The following TBC1D22A variants were observed in gnomAD, a reference collection of about 807,000 sequenced individuals.
TBC1D22A encodes TBC1 domain family member 22A.
A neutral mutation model predicts 60.2 loss-of-function variants in TBC1D22A; 38 were observed. The observed-to-expected ratio is 0.63, with a 90% confidence interval of 0.49 to 0.83. The LOEUF (loss-of-function observed/expected upper bound fraction) is 0.83. Ranked by LOEUF, TBC1D22A falls within the 40% of genes least tolerant of loss-of-function variation. The probability of loss-of-function intolerance (pLI) is 0.00; values close to 1 mark genes in which losing one functional copy is unlikely to be tolerated. For missense variants in TBC1D22A, 628 were observed against 701.0 expected (o/e 0.90, Z 1.18); for synonymous variants, 302 against 281.7 (o/e 1.07, Z -0.72).
intron 12 of TBC1D22A, among the ~76,000 whole-genome samples, chr22:47,117,532 G>A (rs1418450930): frequency 1.6e-4 from 19 of 116,482 alleles, no homozygotes; most frequent in African/African-American, 6.3e-4. Flanking sequence ...ACCCCACACC[G>A]TGGCATCGAG....
chr22:46,934,996 T>C (rs545474040), intron 8 of TBC1D22A, among the ~76,000 whole-genome samples: 3 of 152,246 alleles, frequency 2.0e-5, no homozygotes, highest in African/African-American at 7.2e-5. Flanking sequence ...GTTTGGTGGT[T>C]TCAGTTAACT....
chr22:47,122,108 G>A (rs117364815), intron 12 of TBC1D22A, among the ~76,000 whole-genome samples: 1 of 152,338 alleles, frequency 6.6e-6, no homozygotes, highest in East Asian at 1.9e-4. Flanking sequence ...GACTTAGTTA[G>A]CAGATGCTTC....
At chr22:46,878,802 A>C (rs1464398034) in intron 5 of TBC1D22A, 79 bp downstream of exon 5, 1 of 1,352,032 alleles carries the variant, frequency 7.4e-7, no homozygotes, top group East Asian at 2.3e-5. Context: ...GTAGGGCCTG[A>C]CAGCCACAGC....
intron 4 of TBC1D22A, among the ~76,000 whole-genome samples, chr22:46,852,901 CTG>C (rs1394865370): frequency 1.3e-5 from 2 of 152,226 alleles, no homozygotes; most frequent in East Asian, 1.9e-4. Context: ...TCTCTGCCGA[CTG>C]AGGTCCGTTC....
chr22:46,793,763 G>A lies in TBC1D22A; in HGVS notation c.382G>A (p.Ala128Thr), dbSNP rs767188708. ...GCTTCAGCAGAAGCCCAGGCCCGAG[G>A]CAGAGCCGCCCTCACCCCCCAGCGG... Reference protein sequence around the residue: ...PGLQQKPRPEAEPPSPPSGDL... With the variant: ...PGLQQKPRPETEPPSPPSGDL... The change falls in exon 3 of 13, where the codon GCA becomes ACA. Residue 128 changes from alanine (A) to threonine (T), a missense_variant. Transcript: ENST00000337137. The A allele has an allele frequency of 2.5e-6, 4 of 1,604,740 alleles. No homozygotes were observed. The highest frequency in any genetic ancestry group is 3.4e-6 in the Non-Finnish European group (4 of 1,176,620).
intron 11 of TBC1D22A, among the ~76,000 whole-genome samples, chr22:47,104,231 A>C (rs2065533567): frequency 6.6e-6 from 1 of 152,112 alleles, no homozygotes. Context: ...GCTTGAATGC[A>C]GGAGGCAGGG....
intron 9 of TBC1D22A, among the ~76,000 whole-genome samples, chr22:46,986,652 G>A (rs1302359284): frequency 6.6e-6 from 1 of 152,140 alleles, no homozygotes; most frequent in Non-Finnish European, 1.5e-5. Context: ...AAATGGCATA[G>A]CTTTGTTGGT....
intron 1 of TBC1D22A, 151 bp from the exon 2 acceptor site, chr22:46,792,369 G>T: frequency 2.0e-6 from 2 of 984,540 alleles, no homozygotes; most frequent in South Asian, 2.9e-5. Flanking sequence ...TCAGGACCCC[G>T]GGTGGCTGCA....
intron 1 of TBC1D22A, among the ~76,000 whole-genome samples, chr22:46,766,783 G>A (rs908511495): frequency 1.3e-5 from 2 of 152,048 alleles, no homozygotes; most frequent in Non-Finnish European, 2.9e-5. Context: ...TGATCCGCCC[G>A]CCTTGGCCTC....
At chr22:47,148,761 TCTC>T (rs2147166948) in intron 12 of TBC1D22A, among the ~76,000 whole-genome samples, 1 of 151,744 alleles carries the variant, frequency 6.6e-6, no homozygotes. Context: ...TCTGGGTTCT[TCTC>T]CTGGGGTCCC....
rs11331060 is a variant in TBC1D22A at position 47,001,299 on chromosome 22, C to CT, written c.1201+3609dup. 1.9e-3 allele frequency among the ~76,000 whole-genome samples: 255 copies of CT among 133,886 alleles called. 1 individual carries two copies. The highest frequency in any genetic ancestry group is 4.0e-3 in the Admixed American group (54 of 13,344). The allele number at this position is 133,886 out of a possible 152,430, so 87.8% of individuals were successfully genotyped here. ...TGAAATTGTATTTTTTTCTTTCTTTCTTTTTTTTTTTTTTTTTTTAATAAC... is the reference window on the plus strand; with the variant it reads ...TGAAATTGTATTTTTTTCTTTCTTTCTTTTTTTTTTTTTTTTTTTTAATAAC... On this transcript the variant is annotated intron_variant, in intron 10 of 12. Transcript: ENST00000337137.
intron 10 of TBC1D22A, among the ~76,000 whole-genome samples, chr22:47,008,891 G>C (rs549599975): frequency 6.6e-6 from 1 of 152,286 alleles, no homozygotes; most frequent in African/African-American, 2.4e-5. Flanking sequence ...TGTTTTGGTG[G>C]CTGAGTGACA....
chr22:47,132,565 C>T (rs1313447615), intron 12 of TBC1D22A, among the ~76,000 whole-genome samples: 1 of 152,240 alleles, frequency 6.6e-6, no homozygotes, highest in Non-Finnish European at 1.5e-5. Context: ...TGCCTCCGAC[C>T]CCACAGGACA....
At chr22:46,940,713 TACAC>T (rs142864335) in intron 8 of TBC1D22A, among the ~76,000 whole-genome samples, 3 of 129,746 alleles carry the variant, frequency 2.3e-5, no homozygotes, top group Non-Finnish European at 3.3e-5. Flanking sequence ...TGTATGTATA[TACAC>T]ACACACACAG....
intron 9 of TBC1D22A, among the ~76,000 whole-genome samples, chr22:46,986,589 C>T (rs1014949142): frequency 6.6e-6 from 1 of 152,176 alleles, no homozygotes; most frequent in African/African-American, 2.4e-5. Flanking sequence ...GGGTTTTGCT[C>T]ATACTTTGTC....
At chr22:47,063,775 C>A (rs2063663672) in intron 11 of TBC1D22A, among the ~76,000 whole-genome samples, 1 of 152,122 alleles carries the variant, frequency 6.6e-6, no homozygotes, top group Admixed American at 6.5e-5. Flanking sequence ...CCCCATGCTT[C>A]CCCTTCCCGC....
chr22:46,969,371 C>T lies in TBC1D22A; in HGVS notation c.1016-4919C>T, dbSNP rs192351842. On this transcript the variant is annotated intron_variant, in intron 8 of 12. Coordinates refer to ENST00000337137, the MANE Select transcript of TBC1D22A (RefSeq NM_014346.5). ...GTGTGTGGCATCCCTGGATGATGCC[C>T]CTCTGTGTAGATTTCTGTAGATGCA... Among the ~76,000 whole-genome samples, 133 of 152,236 alleles carry T rather than the reference C, an allele frequency of 8.7e-4. 1 individual carries two copies. The highest frequency in any genetic ancestry group is 3.2e-3 in the African/African-American group (131 of 41,522).
intron 11 of TBC1D22A, among the ~76,000 whole-genome samples, chr22:47,082,668 C>T (rs1221627021): frequency 6.6e-6 from 1 of 152,134 alleles, no homozygotes. Context: ...CAAATTAAAA[C>T]CACAAACAAG....
chr22:47,133,483 G>T (rs1454069931), intron 12 of TBC1D22A, among the ~76,000 whole-genome samples: 1 of 152,154 alleles, frequency 6.6e-6, no homozygotes, highest in Non-Finnish European at 1.5e-5. Context: ...GCCTGTGGGG[G>T]GTGCTGGTTT....
Sources: gnomAD v4.1 joint callset for allele counts (sites outside exome capture counted in the v4.1 genomes callset) on GRCh38, gnomAD v4.1.1 for gene constraint, MANE v1.5 for transcripts, NCBI Gene and HGNC (gene_info 2026-07-23, HGNC 2026-07-21) for gene names.